TMEM35A: variants seen among roughly 807,000 people sequenced by gnomAD.
The protein encoded by TMEM35A is nicotinic acetylcholine receptor chaperone.
For missense variants in TMEM35A, 83 were observed against 132.7 expected (o/e 0.63, Z 1.84); for synonymous variants, 50 against 54.7 (o/e 0.91, Z 0.38).
chrX:101,088,256 C>T (rs1453892476), intron 1 of TMEM35A, among the ~76,000 whole-genome samples: 2 of 112,003 alleles, frequency 1.8e-5, no homozygotes, highest in Admixed American at 9.5e-5. Flanking sequence ...TTTATCACAT[C>T]AGAAGTTTAC....
At chrX:101,089,872 G>A (rs1290046359) in intron 1 of TMEM35A, among the ~76,000 whole-genome samples, 1 of 111,311 alleles carries the variant, frequency 9.0e-6, no homozygotes, top group Non-Finnish European at 1.9e-5. Flanking sequence ...CCTCATAGGC[G>A]ATTATCTTGG....
At chrX:101,092,516 A>T (rs2089327021) in intron 1 of TMEM35A, among the ~76,000 whole-genome samples, 1 of 111,547 alleles carries the variant, frequency 9.0e-6, no homozygotes, top group African/African-American at 3.3e-5. Context: ...TCTCTGTATC[A>T]TTGATGCAAA....
chrX:101,079,630 G>A (rs1569495392), intron 1 of TMEM35A, among the ~76,000 whole-genome samples: 1 of 112,050 alleles, frequency 8.9e-6, no homozygotes, highest in Admixed American at 9.5e-5. Flanking sequence ...GCAGACAGCT[G>A]ATAGTATTCC....
intron 1 of TMEM35A, among the ~76,000 whole-genome samples, chrX:101,089,872 G>T (rs1290046359): frequency 2.7e-5 from 3 of 111,311 alleles, no homozygotes; most frequent in Non-Finnish European, 5.6e-5. Context: ...CCTCATAGGC[G>T]ATTATCTTGG....
In TMEM35A at chrX:101,095,403, T is replaced by C. The variant is rs926173805; in HGVS notation, c.*447T>C. The stretch of plus-strand genomic sequence containing the variant: ...TCCTGCACAGGCATCCTTCCCTTTA[T>C]AGATTGATTCCAGCAAAGGCGGAAT... On this transcript the variant is annotated 3_prime_UTR_variant, in exon 2 of 2. Transcript: ENST00000372930. 9.1e-6 allele frequency: 1 copy of C among 109,299 alleles called. No homozygotes were observed. The highest frequency in any genetic ancestry group is 3.3e-5 in the African/African-American group (1 of 29,857). 9.0% of individuals were successfully genotyped at this position (109,299 alleles called of 1,213,427 possible). A position where few individuals can be genotyped will look rare whatever the true frequency, so the allele number is the denominator to read the frequency against.
In TMEM35A at chrX:101,095,244, A is replaced by G; in HGVS notation, c.*288A>G. 2 of 273,558 alleles carry G rather than the reference A, an allele frequency of 7.3e-6. No homozygotes were observed. The highest frequency in any genetic ancestry group is 1.6e-4 in the South Asian group (2 of 12,568). 22.5% of individuals were successfully genotyped at this position (273,558 alleles called of 1,213,427 possible). ...AATTGTGAGATGGACTCCAACAAGC[A>G]TGTGACTGTGAGATTGTGTGTGGGA... is the stretch of plus-strand genomic sequence containing the variant. On this transcript the variant is annotated 3_prime_UTR_variant, in exon 2 of 2. Transcript: ENST00000372930.
At chrX:101,090,839 T>A (rs1181895891) in intron 1 of TMEM35A, among the ~76,000 whole-genome samples, 4 of 99,162 alleles carry the variant, frequency 4.0e-5, no homozygotes, top group Non-Finnish European at 7.8e-5. Flanking sequence ...CTGTAGAATT[T>A]TTTTTTTTTT....
Position 101,090,169 on chromosome X carries a change from C to CTTTTTTTTTTTTTTTTTTTTTT in TMEM35A, c.121-4393_121-4392insTTTTTTTTTTTTTTTTTTTTTT, listed in dbSNP as rs771239790. ...ACTCTGTCTTTCCATTTCTTTCTTTCTTTTTTTTTTTGAGACAGAGTCTTG... is the reference window on the plus strand; with the variant it reads ...ACTCTGTCTTTCCATTTCTTTCTTTCTTTTTTTTTTTTTTTTTTTTTTTTTTTTTTTTTGAGACAGAGTCTTG... On this transcript the variant is annotated intron_variant, in intron 1 of 1. Coordinates refer to ENST00000372930, the MANE Select transcript of TMEM35A (RefSeq NM_021637.3). Among the ~76,000 whole-genome samples, 8 of 97,500 alleles carry CTTTTTTTTTTTTTTTTTTTTTT rather than the reference C, an allele frequency of 8.2e-5. 1 individual carries two copies. The highest frequency in any genetic ancestry group is 2.6e-4 in the African/African-American group (6 of 22,753). The allele number at this position is 97,500 out of a possible 115,157, so 84.7% of individuals were successfully genotyped here.
rs112610999 is a variant in TMEM35A at position 101,081,009 on chromosome X, A to G, written c.120+1887A>G. Among the ~76,000 whole-genome samples, 773 of 111,759 alleles carry G rather than the reference A, an allele frequency of 6.9e-3. 6 individuals are homozygous for G. The highest frequency in any genetic ancestry group is 0.024 in the African/African-American group (745 of 30,742). ...GAGGACCAGCCACAAATGGGTTTAC[A>G]GTATGTTTCTTCCTAGAAATGGAGC... On this transcript the variant is annotated intron_variant, in intron 1 of 1. Transcript: ENST00000372930.
chrX:101,085,666 C>T (rs1464638133), intron 1 of TMEM35A, among the ~76,000 whole-genome samples: 1 of 110,858 alleles, frequency 9.0e-6, no homozygotes, highest in Non-Finnish European at 1.9e-5. Flanking sequence ...CATTGGCTCA[C>T]ACCTGTAATC....
intron 1 of TMEM35A, 29 bp downstream of exon 1, chrX:101,079,151 C>G (rs773714139): frequency 1.7e-6 from 2 of 1,204,887 alleles, no homozygotes; most frequent in African/African-American, 3.5e-5. Flanking sequence ...TGATGAGGAG[C>G]GCACTCCCAT....
intron 1 of TMEM35A, among the ~76,000 whole-genome samples, chrX:101,094,039 G>A (rs976991928): frequency 8.9e-6 from 1 of 111,836 alleles, no homozygotes; most frequent in Non-Finnish European, 1.9e-5. Context: ...TATGGTTTTT[G>A]TTGGGGACAC....
In TMEM35A at chrX:101,094,756, C is replaced by A. The variant is rs764439576; in HGVS notation, c.304C>A (p.Leu102Ile). ...FFLLLLVLAV[L>I]FFHQLVGDPL... ...CCTACTGTTGCTGGTGTTGGCTGTG[C>A]TCTTCTTCCACCAGCTGGTCGGTGA... The change falls in exon 2 of 2, where the codon CTC becomes ATC. Residue 102 changes from leucine to isoleucine, a missense_variant. Transcript: ENST00000372930. 7.4e-6 allele frequency: 9 copies of A among 1,211,565 alleles called. No individual in the cohort carries two copies. The highest frequency in any genetic ancestry group is 1.0e-5 in the Non-Finnish European group (9 of 895,482).
At chrX:101,091,682 G>A (rs2089324785) in intron 1 of TMEM35A, among the ~76,000 whole-genome samples, 1 of 111,786 alleles carries the variant, frequency 8.9e-6, no homozygotes, top group South Asian at 3.7e-4. Flanking sequence ...AACAGATATT[G>A]TTCTCCATGA....
At chrX:101,082,252 A>G (rs781071266) in intron 1 of TMEM35A, among the ~76,000 whole-genome samples, 2 of 103,951 alleles carry the variant, frequency 1.9e-5, no homozygotes, top group South Asian at 4.6e-4. Flanking sequence ...AAAAAACCAA[A>G]CAAATGACTA....
At chrX:101,093,030 T>C (rs1406616412) in intron 1 of TMEM35A, among the ~76,000 whole-genome samples, 1 of 112,176 alleles carries the variant, frequency 8.9e-6, no homozygotes, top group Non-Finnish European at 1.9e-5. Context: ...TTTTTATTTT[T>C]CTATTTTCTC....
intron 1 of TMEM35A, among the ~76,000 whole-genome samples, chrX:101,089,331 T>C (rs1602744475): frequency 9.0e-6 from 1 of 110,818 alleles, no homozygotes; most frequent in Non-Finnish European, 1.9e-5. Flanking sequence ...GTCGTGCAAG[T>C]GTAGCGTCGG....
chrX:101,079,507 C>T (rs921874253), intron 1 of TMEM35A, among the ~76,000 whole-genome samples: 6 of 111,107 alleles, frequency 5.4e-5, no homozygotes, highest in African/African-American at 2.0e-4. Flanking sequence ...GTTTAGCAAG[C>T]GGAGAGTTTA....
chrX:101,089,794 G>C (rs1473185973), intron 1 of TMEM35A, among the ~76,000 whole-genome samples: 2 of 109,137 alleles, frequency 1.8e-5, no homozygotes, highest in African/African-American at 6.7e-5. Context: ...TGGCAGAGCT[G>C]GGATTTGACG....
Sources: allele counts gnomAD v4.1 joint callset (sites outside exome capture counted in the v4.1 genomes callset), GRCh38; gene constraint gnomAD v4.1.1; transcripts MANE v1.5; gene names NCBI Gene and HGNC (gene_info 2026-07-23, HGNC 2026-07-21).